Variants in DCDC1 observed in about 807,000 individuals in gnomAD.
DCDC1 encodes doublecortin domain containing 1, also known as doublecortin domain-containing protein 1.
Under a neutral mutation model 178.3 loss-of-function variants are expected in DCDC1, and 200 were observed. That is an observed-to-expected ratio of 1.12 (90% confidence interval 1.00 to 1.26). The LOEUF is 1.26. Ranked by LOEUF, DCDC1 falls within the 50% of genes most tolerant of loss-of-function variation. The pLI is 0.00. For missense variants in DCDC1, 1,983 were observed against 1,749.2 expected (o/e 1.13, Z -2.38); for synonymous variants, 690 against 604.8 (o/e 1.14, Z -2.07).
chr11:30,878,368 A>G (rs1429457913), intron 38 of DCDC1, among the ~76,000 whole-genome samples, 176 bp downstream of exon 38: 1 of 152,052 alleles, frequency 6.6e-6, no homozygotes, highest in Non-Finnish European at 1.5e-5. Flanking sequence ...TGGGAGGATC[A>G]CGTGAGCCCC....
At chr11:30,877,762 C>T (rs921880) in intron 38 of DCDC1, among the ~76,000 whole-genome samples, 71,726 of 151,872 alleles carry the variant, frequency 0.47, 18,337 homozygotes, top group Middle Eastern at 0.59. Context: ...TGGCCACCAG[C>T]CATTTCATTT....
intron 6 of DCDC1, among the ~76,000 whole-genome samples, chr11:31,301,061 T>C (rs912222641): frequency 6.6e-6 from 1 of 152,226 alleles, no homozygotes; most frequent in Non-Finnish European, 1.5e-5. Flanking sequence ...GATATTCTAT[T>C]CTTTTATTTA....
chr11:31,162,340 TTATAA>T (rs1339905269), intron 9 of DCDC1, among the ~76,000 whole-genome samples: 1 of 152,138 alleles, frequency 6.6e-6, no homozygotes, highest in Non-Finnish European at 1.5e-5. Context: ...TAATCAAGCC[TTATAA>T]TATAGCATAT....
intron 9 of DCDC1, among the ~76,000 whole-genome samples, chr11:31,172,251 TTAATA>T (rs1293793336): frequency 6.6e-6 from 1 of 152,120 alleles, no homozygotes; most frequent in Non-Finnish European, 1.5e-5. Context: ...TTTTTCTTTC[TTAATA>T]TATTTTGAAA....
chr11:30,969,649 A>C (rs1179372075), intron 20 of DCDC1, among the ~76,000 whole-genome samples: 2 of 152,202 alleles, frequency 1.3e-5, no homozygotes, highest in African/African-American at 2.4e-5. Context: ...CTTTGAGGTA[A>C]GTTTTGAGTG....
intron 34 of DCDC1, 27 bp downstream of exon 34, chr11:30,899,514 G>T: frequency 5.7e-6 from 8 of 1,395,644 alleles, no homozygotes; most frequent in Non-Finnish European, 7.6e-6. Flanking sequence ...ATTAAATATG[G>T]TTATGCTTGA....
intron 1 of DCDC1, among the ~76,000 whole-genome samples, chr11:31,358,396 T>C (rs1951513788): frequency 6.6e-6 from 1 of 152,048 alleles, no homozygotes; most frequent in Non-Finnish European, 1.5e-5. Flanking sequence ...TGTAGAAAGC[T>C]GAAACTGGAC....
chr11:31,357,247 G>C (rs1392963399), intron 1 of DCDC1, among the ~76,000 whole-genome samples: 9 of 151,916 alleles, frequency 5.9e-5, no homozygotes, highest in African/African-American at 1.9e-4. Flanking sequence ...CCATGATCAA[G>C]TGGGCTTCAT....
chr11:31,023,458 C>T (rs1953020696), intron 20 of DCDC1, among the ~76,000 whole-genome samples: 1 of 151,738 alleles, frequency 6.6e-6, no homozygotes, highest in Non-Finnish European at 1.5e-5. Flanking sequence ...ATGAGGAAGA[C>T]ACTTAGTAAG....
intron 20 of DCDC1, among the ~76,000 whole-genome samples, chr11:31,047,618 C>A (rs1319672490): frequency 2.0e-5 from 3 of 152,106 alleles, no homozygotes; most frequent in Admixed American, 1.3e-4. Context: ...TACTCAATTT[C>A]TTTTATTCAC....
At chr11:30,998,897 C>T (rs868145061) in intron 20 of DCDC1, among the ~76,000 whole-genome samples, 2 of 152,084 alleles carry the variant, frequency 1.3e-5, no homozygotes, top group Non-Finnish European at 1.5e-5. Context: ...CCATCTTAAC[C>T]AAGTGATCAA....
At chr11:31,282,295 T>A (rs1367354534) in intron 7 of DCDC1, among the ~76,000 whole-genome samples, 1 of 151,942 alleles carries the variant, frequency 6.6e-6, no homozygotes, top group East Asian at 1.9e-4. Flanking sequence ...GTCTCAGTTT[T>A]GGTAATTTAT....
chr11:30,927,934 A>T (rs573201074), intron 22 of DCDC1, among the ~76,000 whole-genome samples: 5 of 152,188 alleles, frequency 3.3e-5, no homozygotes, highest in Admixed American at 3.3e-4. Context: ...TGGTAAAAAA[A>T]TACTGATTAA....
rs550583961 is a variant in DCDC1 at position 31,214,793 on chromosome 11, T to C, written c.1221+26657A>G. ...AAGTTTCTTTGTCAAGGGAAAGAGA[T>C]TATTTGTTCTATAATACAGATAAAT... On this transcript the variant is annotated intron_variant, in intron 9 of 38. Transcript: ENST00000684477. 2.8e-4 allele frequency among the ~76,000 whole-genome samples: 43 copies of C among 152,230 alleles called. No homozygotes were observed. The South Asian group carries it at 8.3e-3, about 29-fold the overall frequency.
chr11:31,331,176 T>C (rs1426642712), intron 2 of DCDC1, among the ~76,000 whole-genome samples: 1 of 152,154 alleles, frequency 6.6e-6, no homozygotes. Context: ...TCATTCATGA[T>C]TTGGCTCTTT....
chr11:31,243,604 A>T (rs1977454293), intron 8 of DCDC1, among the ~76,000 whole-genome samples: 1 of 151,764 alleles, frequency 6.6e-6, no homozygotes. Context: ...CTAACAACAA[A>T]AATTCTAAGT....
rs754156115 is a variant in DCDC1 at position 31,306,320 on chromosome 11, TTG to T, written c.501_502del (p.His167GlnfsTer8). The T allele has an allele frequency of 6.8e-6, 11 of 1,610,850 alleles. No individual in the cohort carries two copies. In the East Asian group the frequency reaches 2.0e-4, roughly 30 times the overall value. ...TACTTTAATCACTCTTGGTTGAAGT[TTG>T]TGTCTTTGAGACAATTTCTGCCAAT... is the stretch of plus-strand genomic sequence containing the variant. On this transcript the variant is annotated frameshift_variant, in exon 5 of 39. Transcript: ENST00000684477. LOFTEE classifies it high-confidence loss of function.
At chr11:30,939,910 G>T (rs1008054944) in intron 21 of DCDC1, among the ~76,000 whole-genome samples, 1 of 152,088 alleles carries the variant, frequency 6.6e-6, no homozygotes, top group Non-Finnish European at 1.5e-5. Context: ...TTTCTGTGTG[G>T]AAATTTTGAC....
intron 8 of DCDC1, among the ~76,000 whole-genome samples, chr11:31,250,736 T>TA (rs1230780069): frequency 6.7e-6 from 1 of 150,358 alleles, no homozygotes; most frequent in Admixed American, 6.7e-5. Context: ...ATTTTCCACT[T>TA]ATGTTAGGCA....
Sources: gnomAD v4.1 joint callset for allele counts (sites outside exome capture counted in the v4.1 genomes callset) on GRCh38, gnomAD v4.1.1 for gene constraint, MANE v1.5 for transcripts, NCBI Gene and HGNC (gene_info 2026-07-23, HGNC 2026-07-21) for gene names.